Variants in CNTN5 observed in about 807,000 individuals in gnomAD.
CNTN5 encodes the protein contactin-5.
In CNTN5, 77 loss-of-function variants were observed where a neutral mutation model predicts 129.1. The ratio of observed to expected loss-of-function variants is 0.60; its 90% CI spans 0.50 to 0.72. The LOEUF (loss-of-function observed/expected upper bound fraction) is 0.72. CNTN5 is among the 30% of genes least tolerant of loss of function. The pLI is 0.00. For synonymous variants in CNTN5, 509 were observed against 465.6 expected, an observed-to-expected ratio of 1.09 and a Z score of -1.20; for missense variants, 1,478 against 1,328.8, an observed-to-expected ratio of 1.11 and a Z score of -1.75.
chr11:100,267,280 C>CACACACACACACACACAG (rs371454644), intron 17 of CNTN5, among the ~76,000 whole-genome samples: 75 of 148,570 alleles, frequency 5.0e-4, no homozygotes, highest in East Asian at 4.0e-3. Flanking sequence ...CACACACACA[C>CACACACACACACACACAG]AGAGAGAGAG....
chr11:99,249,311 G>T (rs1861980926), intron 1 of CNTN5, among the ~76,000 whole-genome samples: 2 of 152,018 alleles, frequency 1.3e-5, no homozygotes, highest in African/African-American at 2.4e-5. Flanking sequence ...TTTGCACATT[G>T]ATTTTGTATC....
At chr11:99,751,778 T>C (rs1322578379) in intron 3 of CNTN5, among the ~76,000 whole-genome samples, 2 of 152,222 alleles carry the variant, frequency 1.3e-5, no homozygotes, top group African/African-American at 2.4e-5. Context: ...TCAAACTTCA[T>C]GTTGAAACAT....
intron 1 of CNTN5, among the ~76,000 whole-genome samples, chr11:99,040,534 A>G (rs1181322682): frequency 6.6e-6 from 1 of 152,134 alleles, no homozygotes; most frequent in Non-Finnish European, 1.5e-5. Flanking sequence ...CTTCACTTTG[A>G]AAAACATGAG....
At chr11:99,805,169 C>A (rs1946230215) in intron 3 of CNTN5, among the ~76,000 whole-genome samples, 1 of 152,086 alleles carries the variant, frequency 6.6e-6, no homozygotes, top group Admixed American at 6.6e-5. Context: ...TGATCAGAAA[C>A]ATTACTTTCA....
At chr11:99,927,121 C>A (rs1950080069) in intron 7 of CNTN5, among the ~76,000 whole-genome samples, 1 of 152,106 alleles carries the variant, frequency 6.6e-6, no homozygotes, top group Non-Finnish European at 1.5e-5. Context: ...ACACAGAGAG[C>A]TCTATTTTTA....
intron 3 of CNTN5, among the ~76,000 whole-genome samples, chr11:99,685,742 G>A (rs1953762896): frequency 6.6e-6 from 1 of 151,686 alleles, no homozygotes; most frequent in Admixed American, 6.6e-5. Flanking sequence ...CTTGTGTGTT[G>A]TTTTCATTTT....
chr11:99,054,439 G>C (rs1167987132), intron 1 of CNTN5, among the ~76,000 whole-genome samples: 1 of 151,872 alleles, frequency 6.6e-6, no homozygotes, highest in Non-Finnish European at 1.5e-5. Flanking sequence ...AAACTTATAG[G>C]AACCTATGTC....
chr11:99,918,467 A>G (rs577848852), intron 7 of CNTN5, among the ~76,000 whole-genome samples: 7 of 152,268 alleles, frequency 4.6e-5, no homozygotes, highest in South Asian at 2.1e-4. Context: ...TATTTTTACT[A>G]TACTTTTGTC....
chr11:99,972,085 T>TAAAAAAAAA (rs71050038), intron 8 of CNTN5, among the ~76,000 whole-genome samples: 1 of 92,204 alleles, frequency 1.1e-5, no homozygotes, highest in Non-Finnish European at 2.0e-5. Context: ...TTATCTCTAT[T>TAAAAAAAAA]AAAAAAAAAA....
At chr11:100,036,740 G>A (rs1942038266) in intron 9 of CNTN5, among the ~76,000 whole-genome samples, 1 of 149,254 alleles carries the variant, frequency 6.7e-6, no homozygotes, top group Admixed American at 6.7e-5. Flanking sequence ...ATTGTGAATG[G>A]GAGTTCACTC....
At chr11:100,314,501 C>T (rs1951539538) in intron 21 of CNTN5, among the ~76,000 whole-genome samples, 1 of 152,046 alleles carries the variant, frequency 6.6e-6, no homozygotes, top group South Asian at 2.1e-4. Context: ...ACCCATGTTC[C>T]ACTTTGAAAT....
chr11:99,517,809 A>G (rs930557837), intron 2 of CNTN5, among the ~76,000 whole-genome samples: 1 of 152,134 alleles, frequency 6.6e-6, no homozygotes, highest in Non-Finnish European at 1.5e-5. Flanking sequence ...CTTTAGTTTC[A>G]GTAGTAACTT....
At chr11:99,321,711 T>C (rs968253598) in intron 1 of CNTN5, among the ~76,000 whole-genome samples, 2 of 152,152 alleles carry the variant, frequency 1.3e-5, no homozygotes, top group African/African-American at 2.4e-5. Flanking sequence ...CCTTGATTGA[T>C]TGATTGAGTA....
At chr11:100,261,021 T>C (rs1428959965) in intron 17 of CNTN5, among the ~76,000 whole-genome samples, 1 of 152,164 alleles carries the variant, frequency 6.6e-6, no homozygotes, top group Non-Finnish European at 1.5e-5. Flanking sequence ...TGTTTGCACA[T>C]GACATGACTG....
intron 7 of CNTN5, among the ~76,000 whole-genome samples, chr11:99,947,203 A>C (rs971684985): frequency 6.7e-6 from 1 of 149,590 alleles, no homozygotes; most frequent in Non-Finnish European, 1.5e-5. Flanking sequence ...ACTTGTACCA[A>C]TTTTTCTACT....
chr11:99,435,418 C>T (rs1244828610), intron 2 of CNTN5, among the ~76,000 whole-genome samples: 1 of 152,096 alleles, frequency 6.6e-6, no homozygotes, highest in Non-Finnish European at 1.5e-5. Flanking sequence ...TTTGGCCTTG[C>T]TATCTCAACA....
chr11:99,052,484 C>T (rs2135179782), intron 1 of CNTN5, among the ~76,000 whole-genome samples: 1 of 151,766 alleles, frequency 6.6e-6, no homozygotes, highest in African/African-American at 2.4e-5. Flanking sequence ...GTTTTGTGGC[C>T]CAGGAGCAAT....
intron 1 of CNTN5, among the ~76,000 whole-genome samples, chr11:99,027,345 T>C (rs1055637850): frequency 6.6e-6 from 1 of 151,608 alleles, no homozygotes; most frequent in Non-Finnish European, 1.5e-5. Flanking sequence ...AGTATATTTC[T>C]GTGTTTGACA....
chr11:99,708,193 AC>A (rs1954832955), intron 3 of CNTN5, among the ~76,000 whole-genome samples: 1 of 151,744 alleles, frequency 6.6e-6, no homozygotes, highest in South Asian at 2.1e-4. Flanking sequence ...TATGGGAAAT[AC>A]AGGGAAAATA....
Sources: allele counts gnomAD v4.1 joint callset (sites outside exome capture counted in the v4.1 genomes callset), GRCh38; gene constraint gnomAD v4.1.1; transcripts MANE v1.5; gene names NCBI Gene and HGNC (gene_info 2026-07-23, HGNC 2026-07-21).